MCTP1: variants seen among roughly 807,000 people sequenced by gnomAD.
MCTP1 encodes the protein multiple C2 and transmembrane domain-containing protein 1.
In MCTP1, 69 loss-of-function variants were observed where a neutral mutation model predicts 120.6. The observed-to-expected ratio is 0.57, with a 90% confidence interval of 0.47 to 0.70. MCTP1 has a LOEUF of 0.70. Among genes scored for constraint, MCTP1 ranks in the 30% least tolerant of loss-of-function variants. The probability of loss-of-function intolerance (pLI) is 0.00; values close to 1 mark genes in which losing one functional copy is unlikely to be tolerated. For synonymous variants in MCTP1, 529 were observed against 493.1 expected (o/e 1.07, Z -0.96); for missense variants, 1,203 against 1,248.8 (o/e 0.96, Z 0.55).
intron 11 of MCTP1, among the ~76,000 whole-genome samples, chr5:94,890,328 A>ATTG (rs995877544): frequency 6.6e-6 from 1 of 152,140 alleles, no homozygotes; most frequent in Non-Finnish European, 1.5e-5. Context: ...TAAATCTCAC[A>ATTG]TTGTTGGATA....
chr5:95,179,114 A>T (rs1438082260), intron 1 of MCTP1, among the ~76,000 whole-genome samples: 1 of 152,210 alleles, frequency 6.6e-6, no homozygotes, highest in Non-Finnish European at 1.5e-5. Flanking sequence ...GAATTAACCC[A>T]ATCTGACAAA....
At position 94,714,861 on chromosome 5, in the gene MCTP1, T is replaced by C. The variant is rs1317142465; in HGVS notation, c.2636A>G (p.Asn879Ser). Reference protein sequence around the residue: ...DKDSEKKGFINKIYAIQEVCV... With the variant: ...DKDSEKKGFISKIYAIQEVCV... Reference sequence around the variant, plus strand: ...TACCTCCTGGATGGCATAGATTTTATTTATAAATCCCTTTTTTTCACTGTC... The same window carrying C: ...TACCTCCTGGATGGCATAGATTTTACTTATAAATCCCTTTTTTTCACTGTC... The change falls in exon 20 of 23, where the codon AAT (asparagine) becomes AGT (serine). Residue 879 changes from asparagine to serine, a missense_variant. By Grantham distance (46) the Asn-to-Ser change is conservative (BLOSUM62 1). Transcript: ENST00000515393. 3.1e-6 allele frequency: 5 copies of C among 1,610,914 alleles called. No homozygotes were observed. The highest frequency in any genetic ancestry group is 1.7e-5 in the Admixed American group (1 of 59,998).
At chr5:94,921,914 A>G (rs1341348763) in intron 7 of MCTP1, among the ~76,000 whole-genome samples, 1 of 152,180 alleles carries the variant, frequency 6.6e-6, no homozygotes, top group East Asian at 1.9e-4. Flanking sequence ...TTCATCATAA[A>G]CTCAAAGAGG....
rs188360114 is a variant in MCTP1, at chr5:95,182,614, T to C, written c.720+101242A>G. ...ATATTTTCATTGATTTTTACAATCA[T>C]TTTGCATGGTTTCAGCTTGCATGGC... On this transcript the variant is annotated intron_variant, in intron 1 of 22. Coordinates refer to ENST00000515393, the MANE Select transcript of MCTP1 (RefSeq NM_024717.7). Among the ~76,000 whole-genome samples the C allele has an allele frequency of 2.4e-3, 372 of 152,278 alleles. 2 individuals carry two copies. Among genetic ancestry groups the C allele is most frequent in the African/African-American group, 8.4e-3 (349 of 41,562 alleles).
At position 95,120,547 on chromosome 5, in the gene MCTP1, T is replaced by C. The variant is rs970076839; in HGVS notation, c.721-103063A>G. ...GGTACCACATATGCAAATCAAACAA[T>C]GGGATGCATCATACCAACAGAATGA... On this transcript the variant is annotated intron_variant, in intron 1 of 22. Transcript: ENST00000515393. 5.9e-5 allele frequency among the ~76,000 whole-genome samples: 9 copies of C among 152,214 alleles called. No individual in the cohort carries two copies. The East Asian group carries it at 1.4e-3, about 23-fold the overall frequency.
intron 2 of MCTP1, among the ~76,000 whole-genome samples, chr5:94,990,708 A>G (rs1207705194): frequency 6.6e-6 from 1 of 152,242 alleles, no homozygotes; most frequent in Non-Finnish European, 1.5e-5. Context: ...TCTGAAGGGG[A>G]GGGAATTATA....
intron 1 of MCTP1, among the ~76,000 whole-genome samples, chr5:95,282,171 T>G (rs796625572): frequency 2.0e-5 from 3 of 152,316 alleles, no homozygotes; most frequent in African/African-American, 7.2e-5. Context: ...CCAGAATAAG[T>G]TTATATCTTT....
intron 1 of MCTP1, among the ~76,000 whole-genome samples, chr5:95,137,695 T>C (rs533113895): frequency 4.5e-4 from 68 of 152,350 alleles, no homozygotes; most frequent in Admixed American, 7.2e-4. Context: ...TTCATCTATA[T>C]TTTCCCTTAT....
At chr5:94,980,048 C>T (rs1256617751) in intron 2 of MCTP1, among the ~76,000 whole-genome samples, 1 of 152,052 alleles carries the variant, frequency 6.6e-6, no homozygotes. Context: ...CAACAGTTTA[C>T]TCCAATAATG....
Position 94,939,451 on chromosome 5 carries a change from T to C in MCTP1, c.1173+633A>G, listed in dbSNP as rs575050068. Among the ~76,000 whole-genome samples, 43 of 152,096 alleles carry C rather than the reference T, an allele frequency of 2.8e-4. No homozygotes were observed. In the East Asian group the frequency reaches 7.4e-3, roughly 26 times the overall value. On this transcript the variant is annotated intron_variant, in intron 5 of 22. Transcript: ENST00000515393. ...ACAGAAAGTACACTAGCAAGCGTAC[T>C]GATGTGGGTCAAGACTGATATTTTT...
intron 17 of MCTP1, among the ~76,000 whole-genome samples, chr5:94,856,072 T>C (rs1386623729): frequency 1.3e-5 from 2 of 151,766 alleles, no homozygotes; most frequent in Non-Finnish European, 3.0e-5. Context: ...TAATATAGCC[T>C]TATGCTGTTA....
intron 17 of MCTP1, among the ~76,000 whole-genome samples, chr5:94,856,516 T>A (rs1794748131): frequency 6.6e-6 from 1 of 151,686 alleles, no homozygotes; most frequent in Non-Finnish European, 1.5e-5. Flanking sequence ...CAAGTTTACC[T>A]CTTTGAGTTC....
At chr5:94,824,207 G>GAGAT (rs1255525916) in intron 17 of MCTP1, among the ~76,000 whole-genome samples, 1 of 152,154 alleles carries the variant, frequency 6.6e-6, no homozygotes, top group East Asian at 1.9e-4. Flanking sequence ...TTATTATTTT[G>GAGAT]AGATATGTTG....
chr5:94,853,273 A>C (rs1022713578), intron 17 of MCTP1, among the ~76,000 whole-genome samples: 1 of 152,002 alleles, frequency 6.6e-6, no homozygotes, highest in Admixed American at 6.6e-5. Context: ...TTCAGCCTAC[A>C]AATCTAAATC....
intron 1 of MCTP1, among the ~76,000 whole-genome samples, chr5:95,172,503 A>C (rs1240690110): frequency 2.0e-5 from 3 of 152,146 alleles, no homozygotes; most frequent in Non-Finnish European, 4.4e-5. Flanking sequence ...TAAAAATTCC[A>C]CTGTGCTTAA....
intron 17 of MCTP1, chr5:94,826,752 G>T (rs1279678117): frequency 3.1e-5 from 6 of 192,662 alleles, no homozygotes; most frequent in African/African-American, 1.2e-4. Context: ...TTTTATCAGA[G>T]AGTAGGGTTG....
At chr5:95,197,571 GA>G (rs1052298227) in intron 1 of MCTP1, among the ~76,000 whole-genome samples, 1 of 151,720 alleles carries the variant, frequency 6.6e-6, no homozygotes, top group African/African-American at 2.4e-5. Context: ...ACATATTAAT[GA>G]AAAAAAATCA....
At chr5:94,808,474 C>A (rs1252965352) in intron 17 of MCTP1, among the ~76,000 whole-genome samples, 1 of 152,136 alleles carries the variant, frequency 6.6e-6, no homozygotes, top group East Asian at 1.9e-4. Flanking sequence ...TTCCTGTGAT[C>A]ATGCCACAAT....
At chr5:94,872,409 C>T (rs941784603) in intron 13 of MCTP1, among the ~76,000 whole-genome samples, 5 of 151,922 alleles carry the variant, frequency 3.3e-5, no homozygotes, top group African/African-American at 4.8e-5. Context: ...GATTAGTTAC[C>T]GGTTCTTAAG....
Sources: gnomAD v4.1 joint callset for allele counts (sites outside exome capture counted in the v4.1 genomes callset) on GRCh38, gnomAD v4.1.1 for gene constraint, MANE v1.5 for transcripts, NCBI Gene and HGNC (gene_info 2026-07-23, HGNC 2026-07-21) for gene names.